Variants in CDK6 observed in about 807,000 individuals in gnomAD.
CDK6 encodes the protein cyclin dependent kinase 6, also known as cyclin-dependent kinase 6.
Under a neutral mutation model 37.1 loss-of-function variants are expected in CDK6, and 6 were observed. The observed-to-expected ratio is 0.16, with a 90% CI of 0.09 to 0.32. The LOEUF (loss-of-function observed/expected upper bound fraction) is 0.32, where lower values mean the gene tolerates loss of function less well. Among genes scored for constraint, CDK6 ranks in the 10% least tolerant of loss-of-function variants. CDK6 has a pLI of 1.00. For missense variants in CDK6, 224 were observed against 418.9 expected, an observed-to-expected ratio of 0.53 and a Z score of 4.06; for synonymous variants, 160 against 161.3, an observed-to-expected ratio of 0.99 and a Z score of 0.06.
At position 92,681,003 on chromosome 7, in the gene CDK6, C is replaced by T. The variant is rs533221970; in HGVS notation, c.538-9468G>A. On this transcript the variant is annotated intron_variant, in intron 4 of 7. Coordinates refer to ENST00000424848, the MANE Select transcript of CDK6 (RefSeq NM_001145306.2). ...TTTACAGTGTCATGCATGGAAGGTGCTCAGTAATTATCTGATAGCTAGATA... is the reference window on the plus strand; with the variant it reads ...TTTACAGTGTCATGCATGGAAGGTGTTCAGTAATTATCTGATAGCTAGATA... Among the ~76,000 whole-genome samples the T allele has an allele frequency of 2.6e-5, 4 of 152,260 alleles. No individual in the cohort carries two copies. The South Asian group carries it at 8.3e-4, about 32-fold the overall frequency.
In CDK6 at chr7:92,785,657, ACTGT is replaced by A. The variant is rs139192775; in HGVS notation, c.234-10830_234-10827del. On this transcript the variant is annotated intron_variant, in intron 2 of 7. Transcript: ENST00000424848. Reference sequence around the variant, plus strand: ...TAGTGGAGATGGGCTTTGAAATCAGACTGTCTGGCTCCAGAATCTGATTTTCTAA... The same window carrying A: ...TAGTGGAGATGGGCTTTGAAATCAGACTGGCTCCAGAATCTGATTTTCTAA... Among the ~76,000 whole-genome samples the A allele has an allele frequency of 1.5e-3, 236 of 152,290 alleles. 4 individuals carry two copies. The East Asian group carries it at 0.029, about 18-fold the overall frequency.
In CDK6 at chr7:92,605,159, A is replaced by AAGT; in HGVS notation, c.*9980_*9981insACT. The AAGT allele has an allele frequency of 4.3e-6, 1 of 233,312 alleles. No homozygotes were observed. The highest frequency in any genetic ancestry group is 1.3e-3 in the Middle Eastern group (1 of 782). The allele number at this position is 233,312 out of a possible 1,614,324, so 14.5% of individuals were successfully genotyped here. On this transcript the variant is annotated 3_prime_UTR_variant, in exon 8 of 8. Coordinates refer to ENST00000424848, the MANE Select transcript of CDK6 (RefSeq NM_001145306.2). Reference sequence around the variant, plus strand: ...TTCAATTTAGCTTTCACATAAGTGAACACATTGGACAGTGATATTTCAACA... The same window carrying AAGT: ...TTCAATTTAGCTTTCACATAAGTGAAAGTCACATTGGACAGTGATATTTCAACA...
rs147741133 is a variant in CDK6 at position 92,690,930 on chromosome 7, C to T, written c.538-19395G>A. ...TTATTACAGATGTAGATGGTGAGGA[C>T]ATCTTGCTATATATCTGTATTAACT... is the stretch of plus-strand genomic sequence containing the variant. On this transcript the variant is annotated intron_variant, in intron 4 of 7. Coordinates refer to ENST00000424848, the MANE Select transcript of CDK6 (RefSeq NM_001145306.2). Among the ~76,000 whole-genome samples, 11 of 152,238 alleles carry T rather than the reference C, an allele frequency of 7.2e-5. No homozygotes were observed. In the East Asian group the frequency reaches 2.1e-3, roughly 29 times the overall value.
At chr7:92,729,221 C>T (rs576859394) in intron 3 of CDK6, among the ~76,000 whole-genome samples, 1 of 152,228 alleles carries the variant, frequency 6.6e-6, no homozygotes, top group East Asian at 1.9e-4. Context: ...TTTATAGTAT[C>T]GTGAGGCATA....
At chr7:92,819,901 CAG>C (rs1281493734) in intron 2 of CDK6, among the ~76,000 whole-genome samples, 4 of 151,808 alleles carry the variant, frequency 2.6e-5, no homozygotes, top group African/African-American at 9.7e-5. Flanking sequence ...AGAAGAGACA[CAG>C]AGATCCCAAC....
At position 92,650,683 on chromosome 7, in the gene CDK6, G is replaced by A. The variant is rs1796552322; in HGVS notation, c.647+20743C>T. ...TCTGCTTCCAATCTCATACGTGATT[G>A]TTGGCTGAATTCAGTCTGATGTGGT... On this transcript the variant is annotated intron_variant, in intron 5 of 7. Transcript: ENST00000424848. 2.0e-5 allele frequency among the ~76,000 whole-genome samples: 3 copies of A among 152,264 alleles called. 1 individual carries two copies. In the South Asian group the frequency reaches 6.2e-4, roughly 32 times the overall value.
At chr7:92,790,783 G>A (rs1482687767) in intron 2 of CDK6, among the ~76,000 whole-genome samples, 1 of 152,122 alleles carries the variant, frequency 6.6e-6, no homozygotes. Flanking sequence ...ATATGTGGAG[G>A]AAAACTTTGT....
chr7:92,619,648 A>G (rs1795762238), intron 6 of CDK6, among the ~76,000 whole-genome samples: 1 of 151,520 alleles, frequency 6.6e-6, no homozygotes, highest in Admixed American at 6.6e-5. Context: ...CCCTTCCCTC[A>G]CCTACACGGA....
chr7:92,614,805 G>A lies in CDK6; in HGVS notation c.*335C>T, dbSNP rs1433604503. 2.9e-6 allele frequency: 1 copy of A among 349,426 alleles called. No individual in the cohort carries two copies. The highest frequency in any genetic ancestry group is 5.3e-6 in the Non-Finnish European group (1 of 188,354). 21.6% of individuals were successfully genotyped at this position (349,426 alleles called of 1,614,324 possible). On this transcript the variant is annotated 3_prime_UTR_variant, in exon 8 of 8. Transcript: ENST00000424848. ...ATTACATCATAACTCAGCTGTGCCT[G>A]GATTACCCACTCCACACTGGCAGCA...
chr7:92,764,700 T>C (rs1799536930), intron 3 of CDK6, among the ~76,000 whole-genome samples: 2 of 152,220 alleles, frequency 1.3e-5, no homozygotes, highest in African/African-American at 4.8e-5. Flanking sequence ...TAACTGGCAC[T>C]ATGGGGTTTG....
At chr7:92,721,028 C>A (rs1462932112) in intron 4 of CDK6, among the ~76,000 whole-genome samples, 2 of 152,148 alleles carry the variant, frequency 1.3e-5, no homozygotes, top group Non-Finnish European at 2.9e-5. Flanking sequence ...CAATAGAGGT[C>A]AGAGAAGTTA....
At chr7:92,645,200 G>A (rs1042202669) in intron 5 of CDK6, among the ~76,000 whole-genome samples, 1 of 152,172 alleles carries the variant, frequency 6.6e-6, no homozygotes, top group Non-Finnish European at 1.5e-5. Context: ...TTTTTAAGCC[G>A]TATTACAGCT....
In CDK6 at chr7:92,612,479, TA is replaced by T. The variant is rs1213132139; in HGVS notation, c.*2660del. 1 of 232,980 alleles carries T rather than the reference TA, an allele frequency of 4.3e-6. No individual in the cohort carries two copies. Among genetic ancestry groups the T allele is most frequent in the Non-Finnish European group, 8.5e-6 (1 of 117,962 alleles). The allele number at this position is 232,980 out of a possible 1,614,324, so 14.4% of individuals were successfully genotyped here. On this transcript the variant is annotated 3_prime_UTR_variant, in exon 8 of 8. Coordinates refer to ENST00000424848, the MANE Select transcript of CDK6 (RefSeq NM_001145306.2). ...ATTTCAGAAATGGCGAATCTGGACA[TA>T]AAATACATAAATCAAGAGAGTATTC... is the stretch of plus-strand genomic sequence containing the variant.
In CDK6 at chr7:92,836,521, T is replaced by A. The variant is rs1471902285; in HGVS notation, c.-411A>T. 1 of 151,272 alleles carries A rather than the reference T, an allele frequency of 6.6e-6. No individual in the cohort carries two copies. Among genetic ancestry groups the A allele is most frequent in the Non-Finnish European group, 1.5e-5 (1 of 67,836 alleles). 9.4% of individuals were successfully genotyped at this position (151,272 alleles called of 1,614,324 possible). ...TCGGGCCTCCCGAGGGGGCTGCGAG[T>A]GTCAGTCGGCTCTCCGCACGTGTCC... On this transcript the variant is annotated 5_prime_UTR_variant, in exon 1 of 8. Transcript: ENST00000424848.
chr7:92,634,731 T>C (rs938870166), intron 5 of CDK6, among the ~76,000 whole-genome samples: 1 of 152,196 alleles, frequency 6.6e-6, no homozygotes, highest in African/African-American at 2.4e-5. Context: ...TTTATAGTTT[T>C]CTTGATATGG....
chr7:92,829,403 C>T (rs992837151), intron 2 of CDK6, among the ~76,000 whole-genome samples: 11 of 152,138 alleles, frequency 7.2e-5, no homozygotes, highest in African/African-American at 2.7e-4. Context: ...AATATAATCC[C>T]TAGAAACAAT....
Position 92,836,513 on chromosome 7 carries a change from G to A in CDK6, c.-403C>T, listed in dbSNP as rs1391983981. The A allele has an allele frequency of 1.3e-5, 2 of 152,038 alleles. No homozygotes were observed. Among genetic ancestry groups the A allele is most frequent in the Admixed American group, 1.3e-4 (2 of 15,268 alleles). The allele number at this position is 152,038 out of a possible 1,614,324, so 9.4% of individuals were successfully genotyped here. On this transcript the variant is annotated 5_prime_UTR_variant, in exon 1 of 8. Transcript: ENST00000424848. ...CAGTCGCGTCGGGCCTCCCGAGGGG[G>A]CTGCGAGTGTCAGTCGGCTCTCCGC...
chr7:92,745,325 T>C (rs1465517143), intron 3 of CDK6, among the ~76,000 whole-genome samples: 1 of 152,238 alleles, frequency 6.6e-6, no homozygotes, highest in Non-Finnish European at 1.5e-5. Flanking sequence ...CATCCTTTTC[T>C]ACTCAGAGTT....
At chr7:92,636,010 T>C (rs932486122) in intron 5 of CDK6, among the ~76,000 whole-genome samples, 2 of 152,182 alleles carry the variant, frequency 1.3e-5, no homozygotes, top group African/African-American at 4.8e-5. Context: ...ATGCAATCTA[T>C]CCGTAGCACA....
Sources: allele counts gnomAD v4.1 joint callset (sites outside exome capture counted in the v4.1 genomes callset), GRCh38; gene constraint gnomAD v4.1.1; transcripts MANE v1.5; gene names NCBI Gene and HGNC (gene_info 2026-07-23, HGNC 2026-07-21).